The following CFAP46 variants were observed in gnomAD, a reference collection of about 807,000 sequenced individuals.
CFAP46 encodes cilia and flagella associated protein 46.
CFAP46 carries 245 observed loss-of-function variants against 325.7 expected under a neutral mutation model. The ratio of observed to expected loss-of-function variants is 0.75; its 90% CI spans 0.68 to 0.84. CFAP46 has a LOEUF of 0.84. CFAP46 is among the 40% of genes least tolerant of loss of function. CFAP46 has a pLI of 0.00. For synonymous variants in CFAP46, 1,523 were observed against 1,495.9 expected, an observed-to-expected ratio of 1.02 and a Z score of -0.42; for missense variants, 3,346 against 3,543.0, an observed-to-expected ratio of 0.94 and a Z score of 1.41.
chr10:132,869,911 C>A lies in CFAP46; in HGVS notation c.4512-539G>T, dbSNP rs1848873381. Among the ~76,000 whole-genome samples, 1 of 152,170 alleles carries A rather than the reference C, an allele frequency of 6.6e-6. No individual in the cohort carries two copies. Among genetic ancestry groups the A allele is most frequent in the Non-Finnish European group, 1.5e-5 (1 of 68,036 alleles). Reference sequence around the variant, plus strand: ...CCCGGATCCTTCAGGGCACAGGCGCCTCCATTTATCAAACTGTGCTGTATT... The same window carrying A: ...CCCGGATCCTTCAGGGCACAGGCGCATCCATTTATCAAACTGTGCTGTATT... On this transcript the variant is annotated intron_variant, in intron 32 of 57. Transcript: ENST00000368586. The surrounding 1 kb of genome is among the most constrained non-coding windows in gnomAD (Gnocchi z 6.2).
At chr10:132,887,956 G>T (rs116063176) in intron 25 of CFAP46, among the ~76,000 whole-genome samples, 6,852 of 20,566 alleles carry the variant, frequency 0.33, 1,502 homozygotes, top group Admixed American at 0.48. Flanking sequence ...CTCTCTCTCC[G>T]CTCCTCTCTC....
At position 132,885,216 on chromosome 10, in the gene CFAP46, A is replaced by G. The variant is rs1439392590; in HGVS notation, c.3514T>C (p.Phe1172Leu). 5.8e-6 allele frequency: 9 copies of G among 1,550,332 alleles called. No homozygotes were observed. Among genetic ancestry groups the G allele is most frequent in the Non-Finnish European group, 7.8e-6 (9 of 1,146,958 alleles). The change falls in exon 27 of 58, where the codon TTC becomes CTC. Residue 1172 changes from phenylalanine (F) to leucine (L), a missense_variant. Phe to Leu is a conservative substitution (Grantham distance 22, BLOSUM62 0). Coordinates refer to ENST00000368586, the MANE Select transcript of CFAP46 (RefSeq NM_001200049.3). ...GQNFSMEIQK[F>L]KAESEDYLAR... ...AAGTAGTCCTCACTCTCGGCCTTGA[A>G]TTTCTGTATTTCCATCGAAAAATTC...
chr10:132,822,113 CTGTGTGTGCACTTG>C (rs1847860030), intron 50 of CFAP46, among the ~76,000 whole-genome samples: 1 of 127,078 alleles, frequency 7.9e-6, no homozygotes. Flanking sequence ...CTGATGTGTG[CTGTGTGTGCACTTG>C]TGTGTGCTGT....
intron 31 of CFAP46, among the ~76,000 whole-genome samples, chr10:132,873,793 C>T (rs575819951): frequency 6.3e-4 from 96 of 152,132 alleles, no homozygotes; most frequent in Non-Finnish European, 1.2e-3. Context: ...ATCGGGAGAG[C>T]GAGCGAGGGG....
intron 56 of CFAP46, 24 bp from the exon 57 acceptor site, chr10:132,810,513 G>C (rs1462925505): frequency 6.2e-7 from 1 of 1,605,794 alleles, no homozygotes; most frequent in Non-Finnish European, 8.5e-7. Flanking sequence ...GTCCCCTCAG[G>C]AGGGCATGGA....
rs541013507 is a variant in CFAP46 at position 132,811,269 on chromosome 10, G to A, written c.7502-238C>T. ...ACAGCCTCCTCCCGGCGACTGTGCC[G>A]GGCAACAGGAAGTGGTGGGAAGCCC... On this transcript the variant is annotated intron_variant, in intron 55 of 57. Transcript: ENST00000368586. Among the ~76,000 whole-genome samples the A allele has an allele frequency of 4.6e-5, 7 of 152,322 alleles. No homozygotes were observed. The South Asian group carries it at 6.2e-4, about 14-fold the overall frequency.
intron 8 of CFAP46, among the ~76,000 whole-genome samples, chr10:132,931,043 T>C (rs1591098260): frequency 1.4e-5 from 1 of 69,428 alleles, no homozygotes; most frequent in Non-Finnish European, 2.7e-5. Context: ...CTCCCCACAC[T>C]CCCCACACAG....
chr10:132,912,360 TCTC>T (rs1366930256), intron 19 of CFAP46, among the ~76,000 whole-genome samples: 3 of 137,306 alleles, frequency 2.2e-5, no homozygotes, highest in Admixed American at 7.2e-5. Flanking sequence ...CTCCTCTCTT[TCTC>T]CTCTCTTCTC....
chr10:132,809,020 G>A, intron 57 of CFAP46, 116 bp from the exon 58 acceptor site: 2 of 1,057,456 alleles, frequency 1.9e-6, no homozygotes, highest in Non-Finnish European at 2.7e-6. Context: ...GGCGCTCTGG[G>A]GAACACACTG....
intron 17 of CFAP46, 78 bp from the exon 18 acceptor site, chr10:132,913,336 T>C (rs895134031): frequency 3.6e-6 from 4 of 1,105,526 alleles, no homozygotes; most frequent in Non-Finnish European, 5.3e-6. Context: ...CTGCGGGGCC[T>C]GTTAGGAACC....
chr10:132,824,979 C>G (rs369661118), intron 50 of CFAP46, among the ~76,000 whole-genome samples: 2 of 127,278 alleles, frequency 1.6e-5, no homozygotes, highest in South Asian at 5.3e-4. Context: ...CTGATGTGTG[C>G]TGATGTGTGC....
intron 8 of CFAP46, among the ~76,000 whole-genome samples, chr10:132,930,629 CCT>C (rs1849882584): frequency 3.4e-5 from 4 of 119,290 alleles, no homozygotes; most frequent in East Asian, 2.8e-4. Context: ...GGGCCTCCCT[CCT>C]CTCCACACAG....
intron 22 of CFAP46, among the ~76,000 whole-genome samples, chr10:132,905,219 T>G (rs919783636): frequency 6.6e-6 from 1 of 152,234 alleles, no homozygotes; most frequent in Non-Finnish European, 1.5e-5. Flanking sequence ...ATGTTTCTCA[T>G]TGGAGAGTCC....
chr10:132,870,321 C>T (rs1437708222), intron 32 of CFAP46, among the ~76,000 whole-genome samples: 2 of 152,126 alleles, frequency 1.3e-5, no homozygotes, highest in Admixed American at 1.3e-4. Flanking sequence ...AATAACCCTA[C>T]GATGGGCTCT....
chr10:132,912,234 CTG>C (rs1849552536), intron 19 of CFAP46, among the ~76,000 whole-genome samples: 2 of 89,568 alleles, frequency 2.2e-5, no homozygotes, highest in Non-Finnish European at 4.9e-5. Flanking sequence ...CTCCTCTCTC[CTG>C]TCCTCTTTCC....
chr10:132,942,417 G>C lies in CFAP46; in HGVS notation c.49+19C>G. ...CCGGGGCCTCCCCGGGGCGGGGGTC[G>C]TGGCGGGCCTGGGGTCACCTTGCTG... On this transcript the variant is annotated intron_variant, in intron 1 of 57. Transcript: ENST00000368586. 7.3e-7 allele frequency: 1 copy of C among 1,362,540 alleles called. No homozygotes were observed. Among genetic ancestry groups the C allele is most frequent in the Non-Finnish European group, 9.4e-7 (1 of 1,065,144 alleles). 84.4% of individuals were successfully genotyped at this position (1,362,540 alleles called of 1,614,324 possible).
intron 19 of CFAP46, among the ~76,000 whole-genome samples, chr10:132,910,580 T>C (rs1370522286): frequency 2.0e-5 from 3 of 152,308 alleles, no homozygotes; most frequent in East Asian, 3.9e-4. Flanking sequence ...CTCATCTCTA[T>C]GTAGAAATGA....
At chr10:132,822,427 A>G (rs1394997807) in intron 50 of CFAP46, among the ~76,000 whole-genome samples, 2 of 102,158 alleles carry the variant, frequency 2.0e-5, no homozygotes, top group African/African-American at 4.0e-5. Flanking sequence ...GTGTGTGGTG[A>G]TGTGTGCTGT....
chr10:132,832,336 C>T lies in CFAP46; in HGVS notation c.7117+1022G>A, dbSNP rs1356536646. 6.6e-6 allele frequency among the ~76,000 whole-genome samples: 1 copy of T among 151,558 alleles called. No homozygotes were observed. Among genetic ancestry groups the T allele is most frequent in the Non-Finnish European group, 1.5e-5 (1 of 67,942 alleles). On this transcript the variant is annotated intron_variant, in intron 50 of 57. Coordinates refer to ENST00000368586, the MANE Select transcript of CFAP46 (RefSeq NM_001200049.3). This position sits in a 1 kb window ranked among gnomAD's most constrained non-coding sequence, Gnocchi z 4.1. ...CCTGCACGTTGTAGTTGTCAGTTTCCCAGACTCCAAACTGTCTGTCCTCAA... is the reference window on the plus strand; with the variant it reads ...CCTGCACGTTGTAGTTGTCAGTTTCTCAGACTCCAAACTGTCTGTCCTCAA...
Sources: allele counts gnomAD v4.1 joint callset (sites outside exome capture counted in the v4.1 genomes callset), GRCh38; gene constraint gnomAD v4.1.1; non-coding constraint Gnocchi (gnomAD v3.1); transcripts MANE v1.5; gene names NCBI Gene and HGNC (gene_info 2026-07-23, HGNC 2026-07-21).